Variants in RABGAP1 observed in about 807,000 individuals in gnomAD.
The protein encoded by RABGAP1 is rab GTPase-activating protein 1.
Under a neutral mutation model 137.6 loss-of-function variants are expected in RABGAP1, and 23 were observed. That is an observed-to-expected ratio of 0.17 (90% CI 0.12 to 0.24). The LOEUF is 0.24. RABGAP1 is among the 10% of genes least tolerant of loss of function. The pLI is 1.00. For missense variants in RABGAP1, 906 were observed against 1,275.8 expected, an observed-to-expected ratio of 0.71 and a Z score of 4.42; for synonymous variants, 451 against 450.7, an observed-to-expected ratio of 1.00 and a Z score of -0.01.
chr9:123,089,485 T>C (rs772278518), intron 19 of RABGAP1: 5 of 327,330 alleles, frequency 1.5e-5, no homozygotes, highest in Non-Finnish European at 2.8e-5. Context: ...ACCCAGAACT[T>C]GTAGGAGGAG....
rs890212816 is a variant in RABGAP1 at position 122,999,313 on chromosome 9, A to C, written c.1374+547A>C. Among the ~76,000 whole-genome samples, 11 of 6,746 alleles carry C rather than the reference A, an allele frequency of 1.6e-3. No homozygotes were observed. In the Admixed American group the frequency reaches 0.023, roughly 14 times the overall value. 4.4% of individuals were successfully genotyped at this position (6,746 alleles called of 152,430 possible). A position where few individuals can be genotyped will look rare whatever the true frequency, so the allele number is the denominator to read the frequency against. On this transcript the variant is annotated intron_variant, in intron 10 of 25. Transcript: ENST00000373647. ...ATTTTCCTGCCTCAGCCTCCCGAGT[A>C]GCTGGGACTAAAGTGTATGCCAGCA...
chr9:123,079,239 G>GTTTTTTTTTTTTTTTTTTT (rs56098560), intron 19 of RABGAP1, among the ~76,000 whole-genome samples: 2 of 106,676 alleles, frequency 1.9e-5, no homozygotes, highest in African/African-American at 5.8e-5. Context: ...GTTTTGTTTT[G>GTTTTTTTTTTTTTTTTTTT]TTTTTTTTTT....
At chr9:122,997,924 A>G (rs1283597730) in intron 9 of RABGAP1, among the ~76,000 whole-genome samples, 1 of 152,142 alleles carries the variant, frequency 6.6e-6, no homozygotes, top group Non-Finnish European at 1.5e-5. Context: ...TATTAATAGC[A>G]CTATAGATAA....
At chr9:123,057,945 G>C (rs1164338180) in intron 13 of RABGAP1, among the ~76,000 whole-genome samples, 1 of 152,152 alleles carries the variant, frequency 6.6e-6, no homozygotes, top group Admixed American at 6.5e-5. Context: ...CACAGGCACT[G>C]GGCAGGCCGA....
intron 2 of RABGAP1, among the ~76,000 whole-genome samples, chr9:122,977,597 TC>T (rs1835830190): frequency 6.6e-6 from 1 of 152,084 alleles, no homozygotes; most frequent in Non-Finnish European, 1.5e-5. Context: ...TCTCAGCTAC[TC>T]GGGAGGCTGA....
chr9:123,048,111 G>A (rs571975310), intron 13 of RABGAP1, among the ~76,000 whole-genome samples: 3 of 151,756 alleles, frequency 2.0e-5, no homozygotes, highest in East Asian at 3.9e-4. Flanking sequence ...AGCTAATTTT[G>A]TATTTTTAGT....
intron 4 of RABGAP1, among the ~76,000 whole-genome samples, chr9:122,986,832 A>G (rs1160037996): frequency 3.3e-5 from 5 of 152,198 alleles, no homozygotes; most frequent in African/African-American, 1.2e-4. Flanking sequence ...CTTAATTTTT[A>G]TGATGAGAAA....
chr9:122,966,800 GGGGAGGCC>G, intron 2 of RABGAP1, among the ~76,000 whole-genome samples: 1 of 152,254 alleles, frequency 6.6e-6, no homozygotes, highest in Non-Finnish European at 1.5e-5. Context: ...CCACACATCT[GGGGAGGCC>G]TCACAATCAT....
At chr9:122,964,732 T>TA (rs1344389425) in intron 2 of RABGAP1, among the ~76,000 whole-genome samples, 2 of 152,306 alleles carry the variant, frequency 1.3e-5, no homozygotes. Context: ...CTCATGCTTG[T>TA]AATCCCAGCA....
intron 13 of RABGAP1, among the ~76,000 whole-genome samples, chr9:123,029,103 C>A (rs114789951): frequency 6.6e-6 from 1 of 151,938 alleles, no homozygotes; most frequent in East Asian, 1.9e-4. Flanking sequence ...GGTGTAGTGG[C>A]AAAGGGATGG....
At chr9:123,030,590 A>C (rs7036302) in intron 13 of RABGAP1, among the ~76,000 whole-genome samples, 16,587 of 152,144 alleles carry the variant, frequency 0.11, 2,916 homozygotes, top group African/African-American at 0.37. Context: ...TGAGGTATAT[A>C]AGGATGTTTT....
chr9:123,094,400 T>C (rs571187021), intron 21 of RABGAP1, among the ~76,000 whole-genome samples: 52 of 152,340 alleles, frequency 3.4e-4, no homozygotes, highest in African/African-American at 1.2e-3. Context: ...TGAATGGGTG[T>C]TGAATTTTGT....
chr9:122,943,844 T>G lies in RABGAP1; in HGVS notation c.-50+2751T>G, dbSNP rs534985583. On this transcript the variant is annotated intron_variant, in intron 1 of 25. Coordinates refer to ENST00000373647, the MANE Select transcript of RABGAP1 (RefSeq NM_012197.4). ...GGCAGGTGCCTGTAGTCCCAGCTAC[T>G]CGGGAGGCTGAGGCAGGAGAATGGC... Among the ~76,000 whole-genome samples the G allele has an allele frequency of 6.1e-3, 928 of 152,202 alleles. 4 individuals are homozygous for G. The highest frequency in any genetic ancestry group is 9.1e-3 in the Non-Finnish European group (622 of 68,004).
intron 13 of RABGAP1, among the ~76,000 whole-genome samples, chr9:123,048,392 C>T (rs558381967): frequency 2.2e-4 from 33 of 152,214 alleles, no homozygotes; most frequent in South Asian, 1.9e-3. Context: ...TCCATTGATT[C>T]GATTATTTAA....
chr9:122,995,144 C>CT (rs1564387756), intron 6 of RABGAP1, among the ~76,000 whole-genome samples: 1 of 151,944 alleles, frequency 6.6e-6, no homozygotes, highest in Non-Finnish European at 1.5e-5. Context: ...ATATTTTTAC[C>CT]TTTTTAATTA....
At chr9:123,006,535 T>G (rs566854014) in intron 10 of RABGAP1, among the ~76,000 whole-genome samples, 1 of 152,208 alleles carries the variant, frequency 6.6e-6, no homozygotes, top group Non-Finnish European at 1.5e-5. Flanking sequence ...TGAACCTCTT[T>G]CTGGTATTTA....
rs867123070 is a variant in RABGAP1, at chr9:122,961,912, A to T, written c.150+4703A>T. Among the ~76,000 whole-genome samples the T allele has an allele frequency of 2.0e-5, 3 of 152,310 alleles. No individual in the cohort carries two copies. The South Asian group carries it at 6.2e-4, about 32-fold the overall frequency. On this transcript the variant is annotated intron_variant, in intron 2 of 25. Coordinates refer to ENST00000373647, the MANE Select transcript of RABGAP1 (RefSeq NM_012197.4). ...AGGAAATAACTCCATATAGTAACTC[A>T]AATTCATAAGAATAAATGAAGAAAA...
chr9:123,052,659 G>A (rs2033534618), intron 13 of RABGAP1, among the ~76,000 whole-genome samples: 1 of 152,198 alleles, frequency 6.6e-6, no homozygotes, highest in African/African-American at 2.4e-5. Context: ...GCTGGGTGCG[G>A]TGGCCCACGC....
rs899228649 is a variant in RABGAP1, at chr9:123,073,728, A to G, written c.2109+51A>G. 8 of 1,601,780 alleles carry G rather than the reference A, an allele frequency of 5.0e-6. No homozygotes were observed. The East Asian group carries it at 1.8e-4, about 36-fold the overall frequency. ...TGACAAAAAGAGTACAGGACTAAGG[A>G]GCACCAAATTGAGGAAATGGTGCCA... On this transcript the variant is annotated intron_variant, in intron 16 of 25. Transcript: ENST00000373647.
Sources: gnomAD v4.1 joint callset for allele counts (sites outside exome capture counted in the v4.1 genomes callset) on GRCh38, gnomAD v4.1.1 for gene constraint, MANE v1.5 for transcripts, NCBI Gene and HGNC (gene_info 2026-07-23, HGNC 2026-07-21) for gene names.